The following HHAT variants were observed in gnomAD, a reference collection of about 807,000 sequenced individuals.
HHAT encodes the protein protein-cysteine N-palmitoyltransferase HHAT.
Under a neutral mutation model 70.8 loss-of-function variants are expected in HHAT, and 47 were observed. The observed-to-expected ratio is 0.66, with a 90% CI of 0.53 to 0.85. HHAT has a LOEUF of 0.85. Among genes scored for constraint, HHAT ranks in the 40% least tolerant of loss-of-function variants. HHAT has a pLI of 0.00. For synonymous variants in HHAT, 228 were observed against 247.6 expected, an observed-to-expected ratio of 0.92 and a Z score of 0.74; for missense variants, 609 against 604.8, an observed-to-expected ratio of 1.01 and a Z score of -0.07.
At chr1:210,641,028 T>A (rs1672876854) in intron 11 of HHAT, among the ~76,000 whole-genome samples, 1 of 152,220 alleles carries the variant, frequency 6.6e-6, no homozygotes, top group African/African-American at 2.4e-5. Context: ...TTACGAGTTA[T>A]CTGGCTGGAT....
intron 7 of HHAT, among the ~76,000 whole-genome samples, chr1:210,436,755 A>G (rs930395635): frequency 6.6e-6 from 1 of 151,818 alleles, no homozygotes; most frequent in African/African-American, 2.4e-5. Context: ...TTTCATTTAT[A>G]TTCCTCCTGC....
chr1:210,458,172 T>A (rs2093909226), intron 7 of HHAT, among the ~76,000 whole-genome samples: 1 of 152,188 alleles, frequency 6.6e-6, no homozygotes, highest in African/African-American at 2.4e-5. Flanking sequence ...GTGGATTGAC[T>A]CTGAGGCTTG....
chr1:210,623,585 C>T lies in HHAT; in HGVS notation c.1305C>T (p.Ser435=), dbSNP rs1268876055. The T allele has an allele frequency of 6.2e-7, 1 of 1,614,068 alleles. No individual in the cohort carries two copies. Among genetic ancestry groups the T allele is most frequent in the Non-Finnish European group, 8.5e-7 (1 of 1,179,984 alleles). ...TCCACGCTGCCCTTGCTTCTTGTTC[C>T]ACCTCGATGCTGATCCTGTCCAACC... ...RRFHAALASC[S]TSMLILSNLV... is the part of the protein sequence containing the mutation. Residue 435 remains serine, a synonymous_variant, in exon 11 of 12, where the codon TCC becomes TCT. Coordinates refer to ENST00000261458, the MANE Select transcript of HHAT (RefSeq NM_018194.6).
chr1:210,507,613 C>A (rs960645069), intron 8 of HHAT, among the ~76,000 whole-genome samples: 2 of 151,778 alleles, frequency 1.3e-5, no homozygotes, highest in African/African-American at 4.8e-5. Flanking sequence ...CCTGCCTTGG[C>A]CTCCCAAAGT....
chr1:210,526,507 A>G (rs1385513250), intron 9 of HHAT, among the ~76,000 whole-genome samples: 3 of 152,084 alleles, frequency 2.0e-5, no homozygotes, highest in Non-Finnish European at 1.5e-5. Flanking sequence ...ATTAAACAAA[A>G]TTAGAGCTAT....
At chr1:210,462,508 G>A (rs891952381) in intron 7 of HHAT, 27 of 152,108 alleles carry the variant, frequency 1.8e-4, no homozygotes, top group African/African-American at 5.8e-4. Flanking sequence ...GTATTCACAT[G>A]TATATATATT....
intron 10 of HHAT, among the ~76,000 whole-genome samples, chr1:210,620,474 C>T (rs531550458): frequency 3.3e-5 from 5 of 152,322 alleles, no homozygotes; most frequent in Non-Finnish European, 5.9e-5. Flanking sequence ...ATCCCACCCC[C>T]TTTTCCTTTC....
chr1:210,452,126 T>C (rs1165899035), intron 7 of HHAT, among the ~76,000 whole-genome samples: 5 of 152,226 alleles, frequency 3.3e-5, no homozygotes, highest in Non-Finnish European at 7.4e-5. Context: ...CTTCATAGAC[T>C]GCCAATTCCC....
At chr1:210,476,702 C>G (rs1254721247) in intron 8 of HHAT, among the ~76,000 whole-genome samples, 3 of 152,178 alleles carry the variant, frequency 2.0e-5, no homozygotes, top group Non-Finnish European at 4.4e-5. Context: ...TTTGCTTTAA[C>G]ACAGCCAGTG....
intron 4 of HHAT, among the ~76,000 whole-genome samples, chr1:210,396,775 A>G (rs890642092): frequency 6.6e-6 from 1 of 152,366 alleles, no homozygotes; most frequent in Admixed American, 6.5e-5. Flanking sequence ...GGAGCAAACC[A>G]TTGATACAGC....
At position 210,623,675 on chromosome 1, in the gene HHAT, G is replaced by A; in HGVS notation, c.1390+5G>A. On this transcript the variant is annotated splice_donor_5th_base_variant and intron_variant, in intron 11 of 11. Coordinates refer to ENST00000261458, the MANE Select transcript of HHAT (RefSeq NM_018194.6). ...GGAATAGGATCTTCATACAAGGTAA[G>A]TTGCTTGACAGTGCTGTTTTCAGTC... The A allele has an allele frequency of 1.9e-6, 3 of 1,613,124 alleles. No individual in the cohort carries two copies. The highest frequency in any genetic ancestry group is 1.7e-5 in the Admixed American group (1 of 59,950).
intron 7 of HHAT, among the ~76,000 whole-genome samples, chr1:210,448,204 C>G (rs2093674004): frequency 6.6e-6 from 1 of 151,886 alleles, no homozygotes; most frequent in Admixed American, 6.6e-5. Flanking sequence ...GGCTCAGCTG[C>G]CTGAGTAGCT....
intron 9 of HHAT, among the ~76,000 whole-genome samples, chr1:210,583,926 C>T (rs12068105): frequency 7.0e-6 from 1 of 142,064 alleles, no homozygotes; most frequent in African/African-American, 2.6e-5. Context: ...CTATGGTTTT[C>T]TGACATATAC....
At chr1:210,343,672 C>A (rs983777187) in intron 1 of HHAT, among the ~76,000 whole-genome samples, 3 of 152,094 alleles carry the variant, frequency 2.0e-5, no homozygotes, top group Non-Finnish European at 2.9e-5. Flanking sequence ...TGAAAGCCTG[C>A]GGGTGGTCCC....
At chr1:210,516,103 C>G (rs916048143) in intron 9 of HHAT, among the ~76,000 whole-genome samples, 1 of 152,006 alleles carries the variant, frequency 6.6e-6, no homozygotes, top group Non-Finnish European at 1.5e-5. Context: ...ATTTTCTGCC[C>G]CCAGCTTGGG....
At chr1:210,612,573 AC>A (rs1319116398) in intron 10 of HHAT, among the ~76,000 whole-genome samples, 4 of 152,082 alleles carry the variant, frequency 2.6e-5, no homozygotes, top group African/African-American at 9.7e-5. Context: ...GGTTGCTTCC[AC>A]CTTTTGCCTA....
intron 6 of HHAT, among the ~76,000 whole-genome samples, chr1:210,413,202 G>A (rs184912938): frequency 6.6e-6 from 1 of 152,230 alleles, no homozygotes; most frequent in Admixed American, 6.5e-5. Context: ...ACCATCCAAA[G>A]ATTACCACTG....
chr1:210,674,394 G>T lies in HHAT; in HGVS notation c.*15G>T. ...CCACGGACTAATGCTGTTGGGCCCA[G>T]GCCAGTCCTTGTTGCTGGCCTCCAA... On this transcript the variant is annotated 3_prime_UTR_variant, in exon 12 of 12. Transcript: ENST00000261458. 1 of 1,608,274 alleles carries T rather than the reference G, an allele frequency of 6.2e-7. No homozygotes were observed.
chr1:210,445,148 C>T (rs1572488626), intron 7 of HHAT, among the ~76,000 whole-genome samples: 3 of 152,110 alleles, frequency 2.0e-5, no homozygotes, highest in South Asian at 4.1e-4. Flanking sequence ...AACACACAAA[C>T]GAGTTTCAAA....
Sources: allele counts gnomAD v4.1 joint callset (sites outside exome capture counted in the v4.1 genomes callset), GRCh38; gene constraint gnomAD v4.1.1; transcripts MANE v1.5; gene names NCBI Gene and HGNC (gene_info 2026-07-23, HGNC 2026-07-21).